KHDRBS1: variants seen among roughly 807,000 people sequenced by gnomAD.
KHDRBS1 encodes the protein KH domain-containing, RNA-binding, signal transduction-associated protein 1.
KHDRBS1 carries 7 observed loss-of-function variants against 48.4 expected under a neutral mutation model. The observed-to-expected ratio is 0.14, with a 90% CI of 0.08 to 0.27. The LOEUF is 0.27. KHDRBS1 is among the 10% of genes least tolerant of loss of function. The probability of loss-of-function intolerance (pLI) is 1.00; values close to 1 mark genes in which losing one functional copy is unlikely to be tolerated. For missense variants in KHDRBS1, 458 were observed against 601.2 expected (o/e 0.76, Z 2.49); for synonymous variants, 241 against 235.8 (o/e 1.02, Z -0.20).
At chr1:32,053,536 A>G (rs1205177665) in intron 10 of KHDRBS1, among the ~76,000 whole-genome samples, 1 of 152,116 alleles carries the variant, frequency 6.6e-6, no homozygotes, top group Non-Finnish European at 1.5e-5. Context: ...GACTACAGGC[A>G]TGGGCCACCA....
At chr1:32,018,438 G>A (rs1638787297) in intron 1 of KHDRBS1, among the ~76,000 whole-genome samples, 1 of 151,828 alleles carries the variant, frequency 6.6e-6, no homozygotes, top group Admixed American at 6.6e-5. Flanking sequence ...TCCAGCCTGG[G>A]CGACAGTGTG....
rs368401868 is a variant in KHDRBS1, at chr1:32,033,230, T to C, written c.667T>C (p.Leu223=). Residue 223 remains leucine, a synonymous_variant, in exon 4 of 9, where the codon TTG becomes CTG. Coordinates refer to ENST00000327300, the MANE Select transcript of KHDRBS1 (RefSeq NM_006559.3). ...AGGTGGAGACCCCAAATATGCCCAC[T>C]TGAATATGGATCTGCATGTCTTCAT... ...RKGGDPKYAH[L]NMDLHVFIEV... The C allele has an allele frequency of 4.3e-6, 7 of 1,614,010 alleles. No homozygotes were observed. The highest frequency in any genetic ancestry group is 3.3e-5 in the Admixed American group (2 of 59,996).
At chr1:32,042,175 C>T (rs1053629021) in intron 8 of KHDRBS1, among the ~76,000 whole-genome samples, 3 of 152,206 alleles carry the variant, frequency 2.0e-5, no homozygotes, top group South Asian at 2.1e-4. Flanking sequence ...TGCAGACTCA[C>T]TAAGATTAAT....
chr1:32,055,086 A>G (rs150188446), intron 10 of KHDRBS1, among the ~76,000 whole-genome samples: 127 of 152,166 alleles, frequency 8.3e-4, no homozygotes, highest in African/African-American at 2.8e-3. Context: ...GCTTACACCA[A>G]AGTAGTTCCT....
At chr1:32,038,726 C>T in intron 7 of KHDRBS1, 107 bp downstream of exon 7, 2 of 1,077,514 alleles carry the variant, frequency 1.9e-6, no homozygotes, top group South Asian at 1.3e-5. Flanking sequence ...GAATGGTTCG[C>T]CTTTTGAGGG....
At chr1:32,033,724 G>A (rs1639124026) in intron 4 of KHDRBS1, among the ~76,000 whole-genome samples, 2 of 152,176 alleles carry the variant, frequency 1.3e-5, no homozygotes, top group African/African-American at 4.8e-5. Flanking sequence ...CACTCAAGAA[G>A]TTCATGCTGT....
chr1:32,030,413 G>A lies in KHDRBS1; in HGVS notation c.498G>A (p.Gln166=), dbSNP rs1639059237. 6.2e-7 allele frequency: 1 copy of A among 1,601,112 alleles called. No homozygotes were observed. The highest frequency in any genetic ancestry group is 1.1e-5 in the South Asian group (1 of 88,276). The change falls in exon 2 of 9, where the codon CAG becomes CAA. Residue 166 remains glutamine, a synonymous_variant. Coordinates refer to ENST00000327300, the MANE Select transcript of KHDRBS1 (RefSeq NM_006559.3). ...AGCGAGTGCTGATACCTGTCAAGCA[G>A]TATCCCAAGGTAAGGCAAAAAGTGC... The part of the protein sequence containing the change: ...LKERVLIPVK[Q]YPKFNFVGKI...
chr1:32,033,080 G>T, intron 3 of KHDRBS1, 108 bp from the exon 4 acceptor site: 4 of 768,928 alleles, frequency 5.2e-6, no homozygotes, highest in South Asian at 1.7e-5. Flanking sequence ...TAACTTTACT[G>T]TTTTTCATGG....
chr1:32,023,589 C>CA (rs1638903241), intron 1 of KHDRBS1, among the ~76,000 whole-genome samples: 1 of 152,162 alleles, frequency 6.6e-6, no homozygotes, highest in South Asian at 2.1e-4. Flanking sequence ...GAGACCCAAG[C>CA]AAAGATTACT....
chr1:32,038,652 C>G, intron 7 of KHDRBS1, 33 bp downstream of exon 7: 1 of 1,597,986 alleles, frequency 6.3e-7, no homozygotes, highest in Non-Finnish European at 8.6e-7. Context: ...TGTTTTTTGT[C>G]CTGAGGATGG....
chr1:32,018,440 G>A (rs951264383), intron 1 of KHDRBS1, among the ~76,000 whole-genome samples: 5 of 150,904 alleles, frequency 3.3e-5, no homozygotes, highest in East Asian at 2.0e-4. Context: ...CAGCCTGGGC[G>A]ACAGTGTGAG....
chr1:32,022,177 GACAGGGTTTCACCATAGTAGAA>G lies in KHDRBS1; in HGVS notation c.382+7816_382+7837del, dbSNP rs570756019. Among the ~76,000 whole-genome samples, 68 of 151,614 alleles carry G rather than the reference GACAGGGTTTCACCATAGTAGAA, an allele frequency of 4.5e-4. 1 individual carries two copies. The highest frequency in any genetic ancestry group is 3.2e-3 in the East Asian group (16 of 5,078). On this transcript the variant is annotated intron_variant, in intron 1 of 8. Coordinates refer to ENST00000327300, the MANE Select transcript of KHDRBS1 (RefSeq NM_006559.3). ...AGTAAATCTTTAAATCTTTAGTAGAGACAGGGTTTCACCATAGTAGAAACAGGGTTTCACCATGTTGGCCAGG... is the reference window on the plus strand; with the variant it reads ...AGTAAATCTTTAAATCTTTAGTAGAGACAGGGTTTCACCATGTTGGCCAGG...
intron 1 of KHDRBS1, among the ~76,000 whole-genome samples, chr1:32,024,427 C>T (rs1638922334): frequency 6.6e-6 from 1 of 152,068 alleles, no homozygotes; most frequent in Non-Finnish European, 1.5e-5. Context: ...CGTCCTGCCT[C>T]AGCCTCTCTA....
chr1:32,033,478 G>A, intron 4 of KHDRBS1, 144 bp downstream of exon 4: 2 of 1,082,646 alleles, frequency 1.8e-6, no homozygotes, highest in Non-Finnish European at 2.6e-6. Flanking sequence ...TCCTTAGGTA[G>A]TTCGTTACTT....
intron 8 of KHDRBS1, 42 bp downstream of exon 8, chr1:32,039,615 G>A (rs1480809752): frequency 9.9e-7 from 1 of 1,006,098 alleles, no homozygotes; most frequent in Non-Finnish European, 1.6e-6. Flanking sequence ...GTACAAGTAA[G>A]TGCCTGGGAG....
At chr1:32,025,199 G>A (rs1557891674) in intron 1 of KHDRBS1, among the ~76,000 whole-genome samples, 1 of 149,678 alleles carries the variant, frequency 6.7e-6, no homozygotes, top group Non-Finnish European at 1.5e-5. Context: ...CCAGGAGGTT[G>A]AGGCTACAGT....
intron 1 of KHDRBS1, among the ~76,000 whole-genome samples, chr1:32,024,996 A>G (rs888040910): frequency 3.3e-5 from 5 of 151,810 alleles, no homozygotes; most frequent in African/African-American, 1.2e-4. Context: ...GGGGGAGCAT[A>G]GTAGGTCACG....
chr1:32,031,901 G>A (rs901254056), intron 3 of KHDRBS1, among the ~76,000 whole-genome samples: 1 of 152,154 alleles, frequency 6.6e-6, no homozygotes, highest in Non-Finnish European at 1.5e-5. Flanking sequence ...GTAGCATGTT[G>A]CGCATTGGTA....
At chr1:32,031,202 G>A (rs2124376635) in intron 2 of KHDRBS1, among the ~76,000 whole-genome samples, 1 of 152,280 alleles carries the variant, frequency 6.6e-6, no homozygotes, top group South Asian at 2.1e-4. Context: ...AGCCATGATT[G>A]TGTCACTACA....
Sources: allele counts gnomAD v4.1 joint callset (sites outside exome capture counted in the v4.1 genomes callset), GRCh38; gene constraint gnomAD v4.1.1; transcripts MANE v1.5; gene names NCBI Gene and HGNC (gene_info 2026-07-23, HGNC 2026-07-21).